The following BEST3 variants were observed in gnomAD, a reference collection of about 807,000 sequenced individuals.
BEST3 encodes bestrophin 3, also known as bestrophin-3.
A neutral mutation model predicts 47.1 loss-of-function variants in BEST3; 50 were observed. The ratio of observed to expected loss-of-function variants is 1.06; its 90% CI spans 0.85 to 1.34. The LOEUF is 1.34. BEST3 is among the 40% of genes most tolerant of loss of function. The pLI, the probability that BEST3 is intolerant of heterozygous loss-of-function variation, is 0.00. For missense variants in BEST3, 765 were observed against 817.0 expected, an observed-to-expected ratio of 0.94 and a Z score of 0.78; for synonymous variants, 282 against 298.8, an observed-to-expected ratio of 0.94 and a Z score of 0.58.
In BEST3 at chr12:69,688,173, A is replaced by G. The variant is rs150050575; in HGVS notation, c.481+5501T>C. ...TTTTGATTCAGTATGAGACCATACT[A>G]TATGCACACAACTAAGGTCATCACT... is the stretch of plus-strand genomic sequence containing the variant. On this transcript the variant is annotated intron_variant, in intron 4 of 9. Coordinates refer to ENST00000330891, the MANE Select transcript of BEST3 (RefSeq NM_032735.3). Among the ~76,000 whole-genome samples the G allele has an allele frequency of 2.0e-4, 31 of 152,330 alleles. No individual in the cohort carries two copies. The East Asian group carries it at 4.0e-3, about 20-fold the overall frequency.
chr12:69,692,266 G>C (rs1035407875), intron 4 of BEST3, among the ~76,000 whole-genome samples: 1 of 152,188 alleles, frequency 6.6e-6, no homozygotes, highest in Non-Finnish European at 1.5e-5. Flanking sequence ...TTCAGAAAAG[G>C]AGACTAAATA....
At chr12:69,645,971 C>T (rs1374198724) in intron 9 of BEST3, among the ~76,000 whole-genome samples, 2 of 152,188 alleles carry the variant, frequency 1.3e-5, no homozygotes, top group Non-Finnish European at 2.9e-5. Flanking sequence ...GAGTCTCGCT[C>T]TGTCACCCAG....
intron 9 of BEST3, chr12:69,660,206 T>C (rs909912396): frequency 6.6e-6 from 1 of 152,164 alleles, no homozygotes; most frequent in African/African-American, 2.4e-5. Context: ...GGGTGACCTG[T>C]GTAGAAAAGC....
chr12:69,685,213 A>T (rs1446139699), intron 4 of BEST3, among the ~76,000 whole-genome samples: 1 of 152,178 alleles, frequency 6.6e-6, no homozygotes, highest in Non-Finnish European at 1.5e-5. Flanking sequence ...TATTATATTG[A>T]TATGAGCAAA....
At chr12:69,696,147 A>G (rs1300710844) in intron 2 of BEST3, among the ~76,000 whole-genome samples, 2 of 152,164 alleles carry the variant, frequency 1.3e-5, no homozygotes, top group Admixed American at 1.3e-4. Context: ...TTCTTGGTAT[A>G]CCTTTGATTA....
intron 4 of BEST3, among the ~76,000 whole-genome samples, chr12:69,681,701 G>T (rs182732395): frequency 6.6e-6 from 1 of 152,088 alleles, no homozygotes; most frequent in African/African-American, 2.4e-5. Context: ...CCTGGACCCC[G>T]ACCCTGACTA....
rs1182325870 is a variant in BEST3, at chr12:69,699,229, G to A, written c.-40C>T. On this transcript the variant is annotated 5_prime_UTR_variant, in exon 1 of 10. Coordinates refer to ENST00000330891, the MANE Select transcript of BEST3 (RefSeq NM_032735.3). ...CCTATTTATTTGGTTTGTAGTCTCCGACAGGAAAGAGAATCTTCAAATTTC... is the reference window on the plus strand; with the variant it reads ...CCTATTTATTTGGTTTGTAGTCTCCAACAGGAAAGAGAATCTTCAAATTTC... 5.1e-6 allele frequency: 5 copies of A among 985,392 alleles called. No individual in the cohort carries two copies. The highest frequency in any genetic ancestry group is 6.0e-6 in the Non-Finnish European group (5 of 829,924). 61.0% of individuals were successfully genotyped at this position (985,392 alleles called of 1,614,324 possible).
intron 2 of BEST3, among the ~76,000 whole-genome samples, chr12:69,695,736 G>T (rs1385470969): frequency 2.0e-5 from 3 of 152,122 alleles, no homozygotes; most frequent in African/African-American, 2.4e-5. Flanking sequence ...AACTCTCTGA[G>T]TCTCAGTTTT....
chr12:69,670,102 C>G, intron 9 of BEST3: 1 of 209,860 alleles, frequency 4.8e-6, no homozygotes. Flanking sequence ...TATCTAAAAT[C>G]AAACTCACAG....
intron 7 of BEST3, 132 bp from the exon 8 acceptor site, chr12:69,673,097 T>C: frequency 4.6e-6 from 3 of 656,382 alleles, no homozygotes; most frequent in Non-Finnish European, 7.8e-6. Context: ...GGGGAGTAGA[T>C]TGTTCTACCG....
At chr12:69,675,142 C>T (rs1216170212) in intron 7 of BEST3, among the ~76,000 whole-genome samples, 1 of 151,554 alleles carries the variant, frequency 6.6e-6, no homozygotes, top group Admixed American at 6.6e-5. Flanking sequence ...TTATTTTAGA[C>T]AGGGTCTTGC....
At chr12:69,697,583 T>G in intron 2 of BEST3, 64 bp downstream of exon 2, 1 of 1,342,170 alleles carries the variant, frequency 7.5e-7, no homozygotes, top group Non-Finnish European at 1.0e-6. Context: ...AAGGTTCAGA[T>G]TTTTGAGACT....
Position 69,684,646 on chromosome 12 carries a change from T to A in BEST3, c.482-5753A>T, listed in dbSNP as rs917924487. On this transcript the variant is annotated intron_variant, in intron 4 of 9. Coordinates refer to ENST00000330891, the MANE Select transcript of BEST3 (RefSeq NM_032735.3). ...GTTGTGTATTCAGCATCTGAGCCCT[T>A]CTCCAAGGGATGACACTTTTTCAGG... 6.0e-5 allele frequency: 37 copies of A among 618,668 alleles called. No individual in the cohort carries two copies. The Admixed American group carries it at 7.9e-4, about 13-fold the overall frequency. 38.3% of individuals were successfully genotyped at this position (618,668 alleles called of 1,614,324 possible).
Position 69,653,879 on chromosome 12 carries a change from T to A in BEST3, c.*1028A>T. On this transcript the variant is annotated 3_prime_UTR_variant, in exon 10 of 10. Coordinates refer to ENST00000330891, the MANE Select transcript of BEST3 (RefSeq NM_032735.3). ...TCCCGTGTTGCGACACGATTAGGAT[T>A]TTTGCATAAGAGTTCAAGTTAAACA... 1.0e-6 allele frequency: 1 copy of A among 985,454 alleles called. No homozygotes were observed. The highest frequency in any genetic ancestry group is 1.2e-6 in the Non-Finnish European group (1 of 829,944). 61.0% of individuals were successfully genotyped at this position (985,454 alleles called of 1,614,324 possible). A position where few individuals can be genotyped will look rare whatever the true frequency, so the allele number is the denominator to read the frequency against.
intron 4 of BEST3, among the ~76,000 whole-genome samples, chr12:69,686,455 A>G (rs1885591618): frequency 6.6e-6 from 1 of 152,146 alleles, no homozygotes; most frequent in Admixed American, 6.5e-5. Flanking sequence ...CAGCCTCAAG[A>G]AAACAGGACC....
At chr12:69,645,484 C>T (rs887478765) in intron 9 of BEST3, among the ~76,000 whole-genome samples, 14 of 152,114 alleles carry the variant, frequency 9.2e-5, no homozygotes, top group African/African-American at 2.2e-4. Context: ...AAGGGTAAGT[C>T]GGCAGAGGTG....
At chr12:69,678,208 G>T (rs913540236) in intron 5 of BEST3, among the ~76,000 whole-genome samples, 1 of 145,028 alleles carries the variant, frequency 6.9e-6, no homozygotes, top group African/African-American at 2.5e-5. Context: ...GGACTGTCAT[G>T]GCACAAATAT....
Position 69,665,306 on chromosome 12 carries a change from A to G in BEST3, c.1100+6122T>C, listed in dbSNP as rs558940570. ...GGCTCTGTCCAAACAAGGCCAGGGT[A>G]CAGCAGCAAAGTGAAATTCAGTATA... On this transcript the variant is annotated intron_variant, in intron 9 of 9. Transcript: ENST00000330891. Among the ~76,000 whole-genome samples the G allele has an allele frequency of 3.9e-5, 6 of 152,324 alleles. No individual in the cohort carries two copies. In the East Asian group the frequency reaches 1.2e-3, roughly 29 times the overall value.
rs754551299 is a variant in BEST3, at chr12:69,685,029, C to CTATTCTATTCTATTCTATTCTAT, written c.482-6137_482-6136insATAGAATAGAATAGAATAGAATA. Among the ~76,000 whole-genome samples, 594 of 150,532 alleles carry CTATTCTATTCTATTCTATTCTAT rather than the reference C, an allele frequency of 3.9e-3. 2 individuals carry two copies. The highest frequency in any genetic ancestry group is 5.6e-3 in the Non-Finnish European group (380 of 67,564). Reference sequence around the variant, plus strand: ...CTATTCTATTCTATTCTATTCTATTCTATTCTATTGTTCTCCATTCCATTC... The same window carrying CTATTCTATTCTATTCTATTCTAT: ...CTATTCTATTCTATTCTATTCTATTCTATTCTATTCTATTCTATTCTATTATTCTATTGTTCTCCATTCCATTC... On this transcript the variant is annotated intron_variant, in intron 4 of 9. Transcript: ENST00000330891.
Sources: gnomAD v4.1 joint callset for allele counts (sites outside exome capture counted in the v4.1 genomes callset) on GRCh38, gnomAD v4.1.1 for gene constraint, MANE v1.5 for transcripts, NCBI Gene and HGNC (gene_info 2026-07-23, HGNC 2026-07-21) for gene names.